GRIN2A: variants seen among roughly 807,000 people sequenced by gnomAD.
GRIN2A encodes the protein glutamate receptor ionotropic, NMDA 2A.
GRIN2A carries 22 observed loss-of-function variants against 113.4 expected under a neutral mutation model. That is an observed-to-expected ratio of 0.19 (90% confidence interval 0.14 to 0.28). GRIN2A has a LOEUF of 0.28. GRIN2A is among the 10% of genes least tolerant of loss of function. The probability of loss-of-function intolerance (pLI) is 1.00; values close to 1 mark genes in which losing one functional copy is unlikely to be tolerated. For synonymous variants in GRIN2A, 827 were observed against 738.4 expected (o/e 1.12, Z -1.94); for missense variants, 1,502 against 1,887.0 (o/e 0.80, Z 3.78).
chr16:9,809,495 C>T (rs1209047048), intron 10 of GRIN2A, among the ~76,000 whole-genome samples: 2 of 151,148 alleles, frequency 1.3e-5, no homozygotes, highest in East Asian at 3.9e-4. Flanking sequence ...GTACATCAAA[C>T]AGACAACAGA....
intron 2 of GRIN2A, among the ~76,000 whole-genome samples, chr16:10,160,377 G>A (rs13332950): frequency 0.026 from 3,918 of 152,270 alleles, 159 homozygotes; most frequent in African/African-American, 0.09. Flanking sequence ...AACTGTGGAT[G>A]GGTTGTAGAC....
intron 2 of GRIN2A, among the ~76,000 whole-genome samples, chr16:10,124,941 G>C (rs769960771): frequency 5.9e-5 from 9 of 152,154 alleles, no homozygotes; most frequent in Non-Finnish European, 1.2e-4. Context: ...CAGAATAGTG[G>C]GAAGAGCATT....
intron 2 of GRIN2A, among the ~76,000 whole-genome samples, chr16:10,049,422 G>C (rs1038700221): frequency 5.3e-5 from 8 of 151,426 alleles, no homozygotes; most frequent in Admixed American, 3.9e-4. Flanking sequence ...CTGTTGACCA[G>C]GTTGGAGTGC....
intron 4 of GRIN2A, among the ~76,000 whole-genome samples, chr16:9,884,504 G>A (rs540929171): frequency 7.2e-5 from 11 of 152,146 alleles, no homozygotes; most frequent in Non-Finnish European, 1.2e-4. Flanking sequence ...AGCCCAGATC[G>A]TGCCACTGTA....
chr16:9,826,595 GA>G (rs1311958846), intron 9 of GRIN2A, among the ~76,000 whole-genome samples: 4 of 152,052 alleles, frequency 2.6e-5, no homozygotes, highest in Admixed American at 6.6e-5. Flanking sequence ...ATTCAATATT[GA>G]TTTTTTTTTG....
At chr16:9,794,346 C>T (rs150314950) in intron 11 of GRIN2A, among the ~76,000 whole-genome samples, 1 of 152,320 alleles carries the variant, frequency 6.6e-6, no homozygotes, top group African/African-American at 2.4e-5. Flanking sequence ...TAATCGTCCA[C>T]TGAAGCTACT....
intron 2 of GRIN2A, among the ~76,000 whole-genome samples, chr16:10,137,765 G>C (rs960170223): frequency 6.6e-6 from 1 of 152,206 alleles, no homozygotes; most frequent in African/African-American, 2.4e-5. Flanking sequence ...CATTAAATGA[G>C]AGAGTGTGAC....
chr16:10,032,302 A>C (rs2046944567), intron 2 of GRIN2A, among the ~76,000 whole-genome samples: 1 of 152,208 alleles, frequency 6.6e-6, no homozygotes, highest in African/African-American at 2.4e-5. Context: ...AATGACATAA[A>C]ATGGATGATA....
intron 2 of GRIN2A, among the ~76,000 whole-genome samples, chr16:10,066,875 C>G (rs2047658764): frequency 1.3e-5 from 2 of 152,190 alleles, no homozygotes; most frequent in African/African-American, 4.8e-5. Context: ...AAGGTGGGAA[C>G]AACCCAAATG....
At chr16:10,010,871 G>T (rs1404795463) in intron 2 of GRIN2A, among the ~76,000 whole-genome samples, 1 of 152,162 alleles carries the variant, frequency 6.6e-6, no homozygotes, top group Non-Finnish European at 1.5e-5. Flanking sequence ...ACTCCAGGGG[G>T]CAGCAATCAT....
chr16:9,802,909 A>AG (rs1424969790), intron 10 of GRIN2A, among the ~76,000 whole-genome samples: 1 of 152,174 alleles, frequency 6.6e-6, no homozygotes, highest in Non-Finnish European at 1.5e-5. Context: ...GTGGCAAGCA[A>AG]GGGGAAGGCT....
chr16:9,985,456 C>G (rs1202355067), intron 2 of GRIN2A, among the ~76,000 whole-genome samples: 1 of 151,856 alleles, frequency 6.6e-6, no homozygotes, highest in Non-Finnish European at 1.5e-5. Flanking sequence ...TGTCAACAGA[C>G]AAATGGATAA....
At chr16:9,913,335 T>C (rs1176209222) in intron 3 of GRIN2A, among the ~76,000 whole-genome samples, 3 of 152,196 alleles carry the variant, frequency 2.0e-5, no homozygotes, top group Admixed American at 6.5e-5. Context: ...AATATACATA[T>C]AGAGTCTTCA....
intron 9 of GRIN2A, among the ~76,000 whole-genome samples, chr16:9,823,960 C>T (rs2042338094): frequency 6.6e-6 from 1 of 152,186 alleles, no homozygotes; most frequent in Admixed American, 6.5e-5. Context: ...CTCCAACTTC[C>T]AGACCAGTGT....
intron 2 of GRIN2A, among the ~76,000 whole-genome samples, chr16:10,049,200 G>A (rs1456840315): frequency 6.6e-6 from 1 of 151,980 alleles, no homozygotes; most frequent in Non-Finnish European, 1.5e-5. Flanking sequence ...TTTGTTTTAT[G>A]GATGGTGAGA....
chr16:9,787,224 G>A (rs1377945901), intron 11 of GRIN2A, among the ~76,000 whole-genome samples: 1 of 128,970 alleles, frequency 7.8e-6, no homozygotes, highest in Non-Finnish European at 1.6e-5. Context: ...ATCTTTTAGA[G>A]GTCTGAATAG....
At chr16:10,106,210 G>GT (rs1419346308) in intron 2 of GRIN2A, among the ~76,000 whole-genome samples, 1 of 135,378 alleles carries the variant, frequency 7.4e-6, no homozygotes, top group South Asian at 2.3e-4. Flanking sequence ...GTTTGGGGAA[G>GT]TGTTTTTTTT....
At chr16:10,080,890 G>A (rs1442289904) in intron 2 of GRIN2A, among the ~76,000 whole-genome samples, 2 of 152,148 alleles carry the variant, frequency 1.3e-5, no homozygotes, top group Admixed American at 1.3e-4. Flanking sequence ...TCCAAGCTCA[G>A]GTAGCCCATT....
At chr16:9,978,726 C>G (rs1301117106) in intron 2 of GRIN2A, among the ~76,000 whole-genome samples, 1 of 152,170 alleles carries the variant, frequency 6.6e-6, no homozygotes, top group Non-Finnish European at 1.5e-5. Context: ...AGCAAGGAAT[C>G]AACAATTGGC....
Sources: gnomAD v4.1 joint callset for allele counts (sites outside exome capture counted in the v4.1 genomes callset) on GRCh38, gnomAD v4.1.1 for gene constraint, MANE v1.5 for transcripts, NCBI Gene and HGNC (gene_info 2026-07-23, HGNC 2026-07-21) for gene names.